The following TYRO3 variants were observed in gnomAD, a reference collection of about 807,000 sequenced individuals.
TYRO3 encodes the protein tyrosine-protein kinase receptor TYRO3.
A neutral mutation model predicts 95.2 loss-of-function variants in TYRO3; 38 were observed. That is an observed-to-expected ratio of 0.40 (90% CI 0.31 to 0.52). TYRO3 has a LOEUF of 0.52. Among genes scored for constraint, TYRO3 ranks in the 20% least tolerant of loss-of-function variants. The pLI, the probability that TYRO3 is intolerant of heterozygous loss-of-function variation, is 0.56. For missense variants in TYRO3, 812 were observed against 1,116.4 expected (o/e 0.73, Z 3.89); for synonymous variants, 367 against 432.9 (o/e 0.85, Z 1.89).
At chr15:41,560,424 TGTGTGC>T (rs1421703537) in intron 1 of TYRO3, among the ~76,000 whole-genome samples, 1 of 140,856 alleles carries the variant, frequency 7.1e-6, no homozygotes, top group Admixed American at 6.9e-5. Context: ...TGTGTGTGTG[TGTGTGC>T]GCGCGCGCGC....
At chr15:41,565,695 C>T (rs1231562709) in intron 6 of TYRO3, among the ~76,000 whole-genome samples, 1 of 151,470 alleles carries the variant, frequency 6.6e-6, no homozygotes, top group Non-Finnish European at 1.5e-5. Flanking sequence ...TCCCAAAGTG[C>T]TGGTATTACA....
chr15:41,570,323 A>G lies in TYRO3; in HGVS notation c.1466A>G (p.Glu489Gly). 6.2e-7 allele frequency: 1 copy of G among 1,614,060 alleles called. No homozygotes were observed. Among genetic ancestry groups the G allele is most frequent in the East Asian group, 2.2e-5 (1 of 44,878 alleles). ...AARSFNRERP[E>G]RIEATLDSLG... The stretch of plus-strand genomic sequence containing the variant: ...CGGTCCTTCAATCGAGAAAGGCCCG[A>G]GCGCATCGAGGCCACATGTGAGTGG... Residue 489 changes from glutamate to glycine, a missense_variant, in exon 11 of 19, where the codon GAG becomes GGG. Glu to Gly is a moderately conservative substitution (Grantham distance 98). Coordinates refer to ENST00000263798, the MANE Select transcript of TYRO3 (RefSeq NM_006293.4).
At chr15:41,576,730 C>T (rs1431069383) in intron 18 of TYRO3, among the ~76,000 whole-genome samples, 1 of 142,474 alleles carries the variant, frequency 7.0e-6, no homozygotes, top group Admixed American at 7.5e-5. Context: ...GTAATGCAAT[C>T]ACAGCTCACT....
intron 8 of TYRO3, 85 bp downstream of exon 8, chr15:41,568,447 G>A (rs1433871286): frequency 9.3e-6 from 13 of 1,405,320 alleles, no homozygotes; most frequent in East Asian, 4.7e-5. Context: ...CAAAATGATT[G>A]TCTTTGGTGG....
At chr15:41,567,334 A>G (rs777033790) in intron 6 of TYRO3, 26 bp from the exon 7 acceptor site, 1 of 1,487,980 alleles carries the variant, frequency 6.7e-7, no homozygotes, top group Non-Finnish European at 8.9e-7. Flanking sequence ...TCTCCCCTAC[A>G]TCATTAGTTT....
Position 41,580,376 on chromosome 15 carries a change from G to A in TYRO3, c.*2100G>A, listed in dbSNP as rs1428096366. On this transcript the variant is annotated 3_prime_UTR_variant, in exon 19 of 19. Transcript: ENST00000263798. ...ATACAAAAATTAGCTGGGCATGGTG[G>A]CGCGTGTCTGTAATCCCAGCTACTC... 6.6e-6 allele frequency: 1 copy of A among 152,098 alleles called. No individual in the cohort carries two copies. Among genetic ancestry groups the A allele is most frequent in the African/African-American group, 2.4e-5 (1 of 41,414 alleles). 9.4% of individuals were successfully genotyped at this position (152,098 alleles called of 1,614,324 possible).
chr15:41,574,780 C>T (rs1162337339), intron 18 of TYRO3: 15 of 453,412 alleles, frequency 3.3e-5, no homozygotes, highest in Non-Finnish European at 4.9e-5. Flanking sequence ...AGTGCAGTGG[C>T]GTGATCTCTG....
chr15:41,577,725 A>C, intron 18 of TYRO3, 161 bp from the exon 19 acceptor site: 13 of 669,184 alleles, frequency 1.9e-5, no homozygotes, highest in Non-Finnish European at 2.7e-5. Flanking sequence ...GGGCTCAAAT[A>C]ATACCCCCCT....
Position 41,564,038 on chromosome 15 carries a change from A to T in TYRO3, c.581-146A>T, listed in dbSNP as rs1408459957. 10 of 712,590 alleles carry T rather than the reference A, an allele frequency of 1.4e-5. No homozygotes were observed. The East Asian group carries it at 2.6e-4, about 19-fold the overall frequency. 44.1% of individuals were successfully genotyped at this position (712,590 alleles called of 1,614,324 possible). A position where few individuals can be genotyped will look rare whatever the true frequency, so the allele number is the denominator to read the frequency against. On this transcript the variant is annotated intron_variant, in intron 4 of 18. Coordinates refer to ENST00000263798, the MANE Select transcript of TYRO3 (RefSeq NM_006293.4). ...TCACCAGACTCTAGTGTCCCTGTTC[A>T]TTTCACCGTACCTCACTGCCCAGCC...
intron 2 of TYRO3, 21 bp from the exon 3 acceptor site, chr15:41,561,518 C>T: frequency 1.8e-6 from 2 of 1,086,216 alleles, no homozygotes; most frequent in Non-Finnish European, 2.6e-6. Flanking sequence ...CGGAAGCAAG[C>T]CTCGTATCCT....
At chr15:41,568,430 A>C in intron 8 of TYRO3, 68 bp downstream of exon 8, 1 of 1,493,200 alleles carries the variant, frequency 6.7e-7, no homozygotes, top group Non-Finnish European at 9.0e-7. Context: ...AAGGCCTTTA[A>C]GAATTTCAAA....
At chr15:41,572,718 G>A (rs2055813017) in intron 15 of TYRO3, among the ~76,000 whole-genome samples, 154 bp downstream of exon 15, 2 of 152,146 alleles carry the variant, frequency 1.3e-5, no homozygotes, top group Non-Finnish European at 2.9e-5. Flanking sequence ...TTTTAATCTA[G>A]CAGGCTTTCT....
intron 15 of TYRO3, 151 bp downstream of exon 15, chr15:41,572,715 C>T: frequency 9.3e-7 from 1 of 1,076,478 alleles, no homozygotes; most frequent in Non-Finnish European, 1.3e-6. Flanking sequence ...TCCTTTTAAT[C>T]TAGCAGGCTT....
chr15:41,567,789 G>T (rs1198960158), intron 7 of TYRO3, among the ~76,000 whole-genome samples: 2 of 152,202 alleles, frequency 1.3e-5, no homozygotes, highest in African/African-American at 2.4e-5. Flanking sequence ...CCCTAAAAAG[G>T]TCTGAAGGAT....
At chr15:41,576,114 A>G (rs978681801) in intron 18 of TYRO3, among the ~76,000 whole-genome samples, 1 of 151,746 alleles carries the variant, frequency 6.6e-6, no homozygotes, top group Non-Finnish European at 1.5e-5. Context: ...CAAAAAAAAA[A>G]AAAAAAAAAA....
rs73391126 is a variant in TYRO3, at chr15:41,565,934, G to A, written c.783+793G>A. On this transcript the variant is annotated intron_variant, in intron 6 of 18. Coordinates refer to ENST00000263798, the MANE Select transcript of TYRO3 (RefSeq NM_006293.4). ...GCTCATTTTCATCCGTTTACTCAAA[G>A]GCCATTTAATGAGTACCTTTCAAAA... is the stretch of plus-strand genomic sequence containing the variant. 2.1e-3 allele frequency among the ~76,000 whole-genome samples: 320 copies of A among 152,248 alleles called. 1 individual carries two copies. The highest frequency in any genetic ancestry group is 7.0e-3 in the African/African-American group (289 of 41,532).
At position 41,581,884 on chromosome 15, in the gene TYRO3, C is replaced by T. The variant is rs1239977152; in HGVS notation, c.*3608C>T. 2.2e-5 allele frequency: 3 copies of T among 138,116 alleles called. No homozygotes were observed. The highest frequency in any genetic ancestry group is 4.7e-5 in the Non-Finnish European group (3 of 64,506). The allele number at this position is 138,116 out of a possible 1,614,324, so 8.6% of individuals were successfully genotyped here. A position where few individuals can be genotyped will look rare whatever the true frequency, so the allele number is the denominator to read the frequency against. On this transcript the variant is annotated 3_prime_UTR_variant, in exon 19 of 19. Transcript: ENST00000263798. The stretch of plus-strand genomic sequence containing the variant: ...TGGTGGCTCACGCCTATAATCCCAG[C>T]GCTTTGGGATTTTCTGTCTCAAAAA...
chr15:41,574,716 A>T (rs2055840161), intron 18 of TYRO3: 1 of 454,866 alleles, frequency 2.2e-6, no homozygotes, highest in Non-Finnish European at 4.4e-6. Context: ...ACCTTTTGTG[A>T]GTATTTTTTG....
intron 3 of TYRO3, chr15:41,562,331 CAAAAA>C (rs11363130): frequency 1.9e-3 from 322 of 173,976 alleles, no homozygotes; most frequent in South Asian, 3.6e-3. Context: ...CGACCAATCT[CAAAAA>C]AAAAAAAAAA....
Sources: allele counts gnomAD v4.1 joint callset (sites outside exome capture counted in the v4.1 genomes callset), GRCh38; gene constraint gnomAD v4.1.1; transcripts MANE v1.5; gene names NCBI Gene and HGNC (gene_info 2026-07-23, HGNC 2026-07-21).